The following PALM2AKAP2 variants were observed in gnomAD, a reference collection of about 807,000 sequenced individuals.
PALM2AKAP2 encodes the protein PALM2-AKAP2 fusion protein.
A neutral mutation model predicts 71.5 loss-of-function variants in PALM2AKAP2; 37 were observed. The ratio of observed to expected loss-of-function variants is 0.52; its 90% CI spans 0.40 to 0.68. The LOEUF (loss-of-function observed/expected upper bound fraction) is 0.68. Among genes scored for constraint, PALM2AKAP2 ranks in the 30% least tolerant of loss-of-function variants. The pLI, the probability that PALM2AKAP2 is intolerant of heterozygous loss-of-function variation, is 0.00. For synonymous variants in PALM2AKAP2, 468 were observed against 478.8 expected, an observed-to-expected ratio of 0.98 and a Z score of 0.29; for missense variants, 1,224 against 1,191.8, an observed-to-expected ratio of 1.03 and a Z score of -0.40.
intron 7 of PALM2AKAP2, among the ~76,000 whole-genome samples, chr9:110,017,583 T>G (rs1009467031): frequency 8.5e-5 from 13 of 152,198 alleles, no homozygotes; most frequent in Non-Finnish European, 1.3e-4. Flanking sequence ...CAAAATCTGT[T>G]ATCATCTGGA....
rs563341685 is a variant in PALM2AKAP2 at position 109,855,945 on chromosome 9, A to G, written c.46-11546A>G. Among the ~76,000 whole-genome samples the G allele has an allele frequency of 9.2e-5, 14 of 152,324 alleles. No homozygotes were observed. The South Asian group carries it at 2.9e-3, about 32-fold the overall frequency. ...TCTATGATAAGGACAAATTACCCCA[A>G]TATGTTTTTAAAACATTGCAATTAT... On this transcript the variant is annotated intron_variant, in intron 1 of 9. Transcript: ENST00000302798.
intron 3 of PALM2AKAP2, among the ~76,000 whole-genome samples, chr9:109,903,956 T>C (rs1195776473): frequency 6.6e-6 from 1 of 152,254 alleles, no homozygotes; most frequent in Non-Finnish European, 1.5e-5. Context: ...AATCTACAGA[T>C]ATTCCTGAAT....
upstream of PALM2AKAP2, among the ~76,000 whole-genome samples, chr9:110,046,617 C>A (rs914949495): frequency 3.3e-5 from 5 of 152,042 alleles, no homozygotes; most frequent in South Asian, 2.1e-4. Context: ...TGAAGGCATG[C>A]GCCACCACGC....
chr9:110,058,906 T>TTG (rs1017739030), intron 1 of PALM2AKAP2, among the ~76,000 whole-genome samples: 1 of 147,144 alleles, frequency 6.8e-6, no homozygotes, highest in African/African-American at 2.5e-5. Context: ...TGGTTTTTTT[T>TTG]TTTTTTTTTT....
intron 1 of PALM2AKAP2, among the ~76,000 whole-genome samples, chr9:109,773,594 G>T (rs1829305474): frequency 6.6e-6 from 1 of 152,182 alleles, no homozygotes; most frequent in Admixed American, 6.5e-5. Flanking sequence ...AGAATCTAAT[G>T]GGACTAGTTA....
At chr9:109,814,915 A>C (rs1827814722) in intron 1 of PALM2AKAP2, among the ~76,000 whole-genome samples, 1 of 152,184 alleles carries the variant, frequency 6.6e-6, no homozygotes, top group Admixed American at 6.5e-5. Flanking sequence ...CCTGTGGGTC[A>C]TGGGAATCTC....
intron 1 of PALM2AKAP2, among the ~76,000 whole-genome samples, chr9:109,864,924 C>T (rs1374304905): frequency 6.6e-6 from 1 of 152,004 alleles, no homozygotes; most frequent in Non-Finnish European, 1.5e-5. Flanking sequence ...TGGTATAGTC[C>T]TAGCCAATCT....
chr9:109,706,120 T>G (rs1828139828), intron 1 of PALM2AKAP2, among the ~76,000 whole-genome samples: 2 of 152,208 alleles, frequency 1.3e-5, no homozygotes, highest in Admixed American at 1.3e-4. Flanking sequence ...GGTTTGAAAT[T>G]TTAATACCTT....
At chr9:109,801,131 C>T (rs890046997) in intron 1 of PALM2AKAP2, among the ~76,000 whole-genome samples, 3 of 152,154 alleles carry the variant, frequency 2.0e-5, no homozygotes, top group African/African-American at 4.8e-5. Flanking sequence ...CTTCAGTTGC[C>T]GTGAAACATT....
At chr9:110,111,981 C>T (rs1196773658) in intron 1 of PALM2AKAP2, among the ~76,000 whole-genome samples, 2 of 152,048 alleles carry the variant, frequency 1.3e-5, no homozygotes, top group Admixed American at 6.6e-5. Context: ...ATGGCCAGAA[C>T]GGAATGGCAG....
At chr9:109,653,827 C>T (rs1054731584) in intron 1 of PALM2AKAP2, among the ~76,000 whole-genome samples, 22 of 152,246 alleles carry the variant, frequency 1.4e-4, no homozygotes, top group African/African-American at 5.3e-4. Flanking sequence ...CATTTCCCAT[C>T]CTAAGACAAT....
intron 1 of PALM2AKAP2, among the ~76,000 whole-genome samples, chr9:109,747,729 G>T (rs1014955185): frequency 6.6e-6 from 1 of 152,004 alleles, no homozygotes; most frequent in Non-Finnish European, 1.5e-5. Flanking sequence ...GAGTACAGTG[G>T]CATGATCTCG....
At chr9:109,712,929 C>T (rs1432107183) in intron 1 of PALM2AKAP2, among the ~76,000 whole-genome samples, 1 of 152,204 alleles carries the variant, frequency 6.6e-6, no homozygotes, top group East Asian at 1.9e-4. Flanking sequence ...AACATTTGGT[C>T]CTAGTCCTGC....
chr9:110,117,973 T>TGTG (rs1835401984), intron 1 of PALM2AKAP2, among the ~76,000 whole-genome samples: 10 of 138,502 alleles, frequency 7.2e-5, no homozygotes, highest in African/African-American at 2.4e-4. Flanking sequence ...ATATGTCGTT[T>TGTG]TGTGTGTGTG....
intron 1 of PALM2AKAP2, among the ~76,000 whole-genome samples, chr9:110,098,901 C>G (rs1158266077): frequency 6.6e-6 from 1 of 152,212 alleles, no homozygotes; most frequent in Non-Finnish European, 1.5e-5. Context: ...ATATGAAAAG[C>G]AGGCCAACAT....
intron 1 of PALM2AKAP2, among the ~76,000 whole-genome samples, chr9:109,830,627 T>C (rs1300253138): frequency 1.3e-5 from 2 of 152,230 alleles, no homozygotes; most frequent in Admixed American, 1.3e-4. Flanking sequence ...TAATTTTAAC[T>C]GAAAAGTCCT....
intron 6 of PALM2AKAP2, among the ~76,000 whole-genome samples, chr9:109,935,130 G>C (rs566993552): frequency 1.3e-5 from 2 of 152,286 alleles, no homozygotes; most frequent in South Asian, 4.1e-4. Context: ...TTCCACATCA[G>C]ATTTCACTTG....
In PALM2AKAP2 at chr9:109,676,553, A is replaced by G. The variant is rs140922739; in HGVS notation, c.5+35687A>G. Among the ~76,000 whole-genome samples the G allele has an allele frequency of 1.7e-3, 265 of 152,332 alleles. 1 individual carries two copies. Among genetic ancestry groups the G allele is most frequent in the African/African-American group, 6.0e-3 (250 of 41,584 alleles). On this transcript the variant is annotated intron_variant, in intron 1 of 6. Transcript: ENST00000374531. ...GAATCAGGTGAAATTATTGGTAGGA[A>G]CTTGGCCAGTTGAATAGACTTTAAG...
intron 2 of PALM2AKAP2, among the ~76,000 whole-genome samples, chr9:110,143,067 G>A (rs1836073342): frequency 6.7e-6 from 1 of 150,266 alleles, no homozygotes; most frequent in Non-Finnish European, 1.5e-5. Context: ...TATGTGAGGG[G>A]CCATGCTCCC....
Sources: gnomAD v4.1 joint callset for allele counts (sites outside exome capture counted in the v4.1 genomes callset) on GRCh38, gnomAD v4.1.1 for gene constraint, MANE v1.5 for transcripts, NCBI Gene and HGNC (gene_info 2026-07-23, HGNC 2026-07-21) for gene names.